DMRTC1B: variants seen among roughly 807,000 people sequenced by gnomAD.
DMRTC1B encodes the protein DMRT like family C1B.
intron 1 of DMRTC1B, among the ~76,000 whole-genome samples, chrX:72,815,661 C>T (rs2054678819): frequency 1.0e-5 from 1 of 95,905 alleles, no homozygotes; most frequent in South Asian, 4.3e-4. Context: ...GCTATTGTTA[C>T]GCATTTTATT....
chrX:72,815,444 T>C (rs1441711443), intron 1 of DMRTC1B, among the ~76,000 whole-genome samples: 1 of 78,239 alleles, frequency 1.3e-5, no homozygotes, highest in Non-Finnish European at 2.4e-5. Context: ...TCCATTTTTT[T>C]TCATCTCATC....
intron 1 of DMRTC1B, among the ~76,000 whole-genome samples, chrX:72,807,066 G>A (rs2054660391): frequency 2.1e-5 from 1 of 47,683 alleles, no homozygotes; most frequent in Admixed American, 2.2e-4. Context: ...TCTCGCCTCC[G>A]CATATAAACA....
chrX:72,807,422 A>C, intron 1 of DMRTC1B: 3 of 361,258 alleles, frequency 8.3e-6, no homozygotes, highest in Middle Eastern at 7.3e-4. Context: ...GCCACAAAGC[A>C]AAAACAGTCA....
At chrX:72,840,138 A>AG (rs2054726638) in intron 1 of DMRTC1B, among the ~76,000 whole-genome samples, 1 of 48,225 alleles carries the variant, frequency 2.1e-5, no homozygotes, top group African/African-American at 2.1e-4. Context: ...AAAAAAAAAA[A>AG]AAAAGAAAGA....
intron 1 of DMRTC1B, among the ~76,000 whole-genome samples, chrX:72,815,591 G>C (rs1181558891): frequency 9.0e-6 from 1 of 110,533 alleles, no homozygotes; most frequent in Non-Finnish European, 1.9e-5. Flanking sequence ...TTCACATACA[G>C]TGCTTCAATC....
At chrX:72,795,598 AT>A (rs1224742580) in intron 1 of DMRTC1B, among the ~76,000 whole-genome samples, 1 of 101,598 alleles carries the variant, frequency 9.8e-6, no homozygotes, top group Non-Finnish European at 2.0e-5. Context: ...GAATTTTGCT[AT>A]TGTTTGGGCT....
chrX:72,807,375 C>CCCCA (rs2054662293), intron 1 of DMRTC1B: 1 of 362,676 alleles, frequency 2.8e-6, no homozygotes, highest in Non-Finnish European at 4.5e-6. Flanking sequence ...AGCTGACCAC[C>CCCCA]CCCAGTTCAG....
chrX:72,839,245 T>C (rs2054716927), intron 1 of DMRTC1B, among the ~76,000 whole-genome samples: 1 of 112,406 alleles, frequency 8.9e-6, no homozygotes. Context: ...AGGATATTAT[T>C]GGGACATTTG....
intron 1 of DMRTC1B, among the ~76,000 whole-genome samples, chrX:72,839,446 G>T (rs1334494042): frequency 8.8e-6 from 1 of 113,428 alleles, no homozygotes; most frequent in East Asian, 2.7e-4. Context: ...ATTACTGAGA[G>T]ATAAAGCAAT....
At chrX:72,840,191 AGC>A (rs2054728399) in intron 1 of DMRTC1B, among the ~76,000 whole-genome samples, 1 of 4,139 alleles carries the variant, frequency 2.4e-4, no homozygotes. Context: ...GAAAAAGCAA[AGC>A]AAAGCAAAGC....
chrX:72,815,304 AAAT>A (rs1477956657), intron 1 of DMRTC1B, among the ~76,000 whole-genome samples: 5 of 44,439 alleles, frequency 1.1e-4, no homozygotes, highest in African/African-American at 4.2e-4. Flanking sequence ...TCTCAGAATA[AAAT>A]AATAAATAAA....
At chrX:72,840,051 C>T (rs1963431200) in intron 1 of DMRTC1B, among the ~76,000 whole-genome samples, 2 of 113,704 alleles carry the variant, frequency 1.8e-5, no homozygotes, top group Admixed American at 9.2e-5. Flanking sequence ...GTCTTGAACC[C>T]GGGTGGCGGA....
chrX:72,807,880 G>A (rs2054665972), intron 1 of DMRTC1B: 3 of 374,548 alleles, frequency 8.0e-6, no homozygotes, highest in South Asian at 4.8e-5. Flanking sequence ...GTCTTTTTGC[G>A]GCCCTTTCAC....
chrX:72,815,619 A>C (rs1556347817), intron 1 of DMRTC1B, among the ~76,000 whole-genome samples: 1 of 101,848 alleles, frequency 9.8e-6, no homozygotes, highest in Admixed American at 1.0e-4. Context: ...AGTATACCTT[A>C]TTTTTCTCCT....
chrX:72,792,730 GAGGGAA>G (rs2054620174), intron 1 of DMRTC1B, among the ~76,000 whole-genome samples: 1 of 77,146 alleles, frequency 1.3e-5, no homozygotes, highest in Non-Finnish European at 2.5e-5. Flanking sequence ...TGCCACGCTG[GAGGGAA>G]ATCAGGCTCA....
chrX:72,815,773 GA>G (rs1252196357), intron 1 of DMRTC1B, among the ~76,000 whole-genome samples: 4 of 53,486 alleles, frequency 7.5e-5, no homozygotes. Context: ...TTTAAATGAG[GA>G]AAAAAGCTAT....
chrX:72,807,673 T>C (rs2054664460), intron 1 of DMRTC1B: 2 of 503,344 alleles, frequency 4.0e-6, no homozygotes, highest in Non-Finnish European at 5.9e-6. Flanking sequence ...GGGAGGCGGA[T>C]GGGCTTGGTG....
intron 1 of DMRTC1B, among the ~76,000 whole-genome samples, chrX:72,820,841 A>G (rs1161698499): frequency 2.1e-5 from 1 of 48,323 alleles, no homozygotes; most frequent in Admixed American, 2.5e-4. Flanking sequence ...TCTTCTAAGC[A>G]CTGCTTAACT....
chrX:72,815,523 A>G (rs1556347781), intron 1 of DMRTC1B, among the ~76,000 whole-genome samples: 3 of 107,287 alleles, frequency 2.8e-5, no homozygotes, highest in Non-Finnish European at 5.8e-5. Flanking sequence ...ATCTATTTCA[A>G]TTTATTTAAA....
Sources: gnomAD v4.1 joint callset for allele counts (sites outside exome capture counted in the v4.1 genomes callset) on GRCh38, gnomAD v4.1.1 for gene constraint, MANE v1.5 for transcripts, NCBI Gene and HGNC (gene_info 2026-07-23, HGNC 2026-07-21) for gene names.